The following C1orf21 variants were observed in gnomAD, a reference collection of about 807,000 sequenced individuals.
The protein encoded by C1orf21 is chromosome 1 open reading frame 21.
C1orf21 carries 3 observed loss-of-function variants against 18.7 expected under a neutral mutation model. The observed-to-expected ratio is 0.16, with a 90% CI of 0.07 to 0.42. The LOEUF is 0.42. Ranked by LOEUF, C1orf21 falls within the 10% of genes least tolerant of loss-of-function variation. The pLI, the probability that C1orf21 is intolerant of heterozygous loss-of-function variation, is 0.99. For missense variants in C1orf21, 104 were observed against 143.6 expected (o/e 0.72, Z 1.41); for synonymous variants, 41 against 46.4 (o/e 0.88, Z 0.47).
chr1:184,616,679 CGT>C (rs1217972700), intron 5 of C1orf21, among the ~76,000 whole-genome samples: 4 of 151,788 alleles, frequency 2.6e-5, no homozygotes, highest in Admixed American at 6.6e-5. Flanking sequence ...CATGTGTGCA[CGT>C]GTGTGTGCTT....
chr1:184,391,735 CAG>C (rs1425871323), intron 1 of C1orf21, among the ~76,000 whole-genome samples: 3 of 150,658 alleles, frequency 2.0e-5, no homozygotes, highest in Non-Finnish European at 4.4e-5. Context: ...TTTTTCGAGA[CAG>C]AGTCTTGCTC....
At chr1:184,405,828 C>A (rs1442766431) in intron 1 of C1orf21, among the ~76,000 whole-genome samples, 1 of 152,038 alleles carries the variant, frequency 6.6e-6, no homozygotes, top group Non-Finnish European at 1.5e-5. Flanking sequence ...TTGCTTTTTC[C>A]AGGGACTGAA....
chr1:184,484,192 G>T (rs554245790), intron 2 of C1orf21, among the ~76,000 whole-genome samples: 1 of 152,218 alleles, frequency 6.6e-6, no homozygotes, highest in East Asian at 1.9e-4. Context: ...GCCTCCCAAA[G>T]TGCTAAGATT....
At chr1:184,567,651 C>A in intron 3 of C1orf21, 1 of 402,470 alleles carries the variant, frequency 2.5e-6, no homozygotes, top group Non-Finnish European at 5.0e-6. Flanking sequence ...CCTACAATGG[C>A]ATCACCAGCT....
chr1:184,582,304 A>ATG, intron 3 of C1orf21, among the ~76,000 whole-genome samples: 1 of 152,380 alleles, frequency 6.6e-6, no homozygotes, highest in South Asian at 2.1e-4. Context: ...AATTTTTAAA[A>ATG]TGTGTGTGTA....
chr1:184,456,418 A>G (rs1657198875), intron 1 of C1orf21, among the ~76,000 whole-genome samples: 1 of 152,236 alleles, frequency 6.6e-6, no homozygotes. Context: ...TCTTCCTTAA[A>G]TTTAACTTCC....
intron 1 of C1orf21, among the ~76,000 whole-genome samples, chr1:184,441,387 T>C (rs1406773799): frequency 1.3e-5 from 2 of 152,228 alleles, no homozygotes; most frequent in African/African-American, 4.8e-5. Context: ...TGTCCAGAAA[T>C]CGGGTATCAG....
chr1:184,412,639 C>G (rs552910986), intron 1 of C1orf21, among the ~76,000 whole-genome samples: 1 of 143,028 alleles, frequency 7.0e-6, no homozygotes, highest in Non-Finnish European at 1.5e-5. Context: ...GAGACCCCAT[C>G]TCTGCAAAAA....
chr1:184,605,879 A>G (rs1659641019), intron 5 of C1orf21, among the ~76,000 whole-genome samples: 1 of 152,200 alleles, frequency 6.6e-6, no homozygotes, highest in South Asian at 2.1e-4. Flanking sequence ...TTGTACCATC[A>G]AGGCCATTTA....
intron 1 of C1orf21, among the ~76,000 whole-genome samples, chr1:184,435,718 A>C (rs1008998526): frequency 7.2e-5 from 11 of 152,196 alleles, no homozygotes; most frequent in African/African-American, 2.4e-4. Context: ...AGTCCAGTAG[A>C]AGAGAAGGAC....
intron 2 of C1orf21, among the ~76,000 whole-genome samples, chr1:184,492,188 A>G (rs1016044968): frequency 6.6e-6 from 1 of 152,262 alleles, no homozygotes; most frequent in Non-Finnish European, 1.5e-5. Context: ...CCCAGTTTAT[A>G]GAGAAGCCAT....
chr1:184,510,238 C>CT (rs1658124336), intron 3 of C1orf21, among the ~76,000 whole-genome samples: 1 of 152,326 alleles, frequency 6.6e-6, no homozygotes, highest in Admixed American at 6.5e-5. Context: ...CTTGAAGTCA[C>CT]AGTCCTCAAG....
intron 1 of C1orf21, among the ~76,000 whole-genome samples, chr1:184,397,782 C>T (rs1448814533): frequency 6.6e-6 from 1 of 152,028 alleles, no homozygotes; most frequent in Non-Finnish European, 1.5e-5. Context: ...GTTGAAAGTG[C>T]CAGTGTTTAA....
intron 3 of C1orf21, among the ~76,000 whole-genome samples, chr1:184,532,300 T>C (rs911087595): frequency 3.3e-5 from 5 of 152,168 alleles, no homozygotes; most frequent in Non-Finnish European, 5.9e-5. Flanking sequence ...CTTACAAGAT[T>C]GTTGTAAAGA....
intron 1 of C1orf21, among the ~76,000 whole-genome samples, chr1:184,424,463 T>C (rs1488501847): frequency 6.6e-6 from 1 of 152,208 alleles, no homozygotes; most frequent in East Asian, 1.9e-4. Flanking sequence ...TTTCAAACTG[T>C]CTGTCCTGAT....
intron 1 of C1orf21, among the ~76,000 whole-genome samples, chr1:184,466,068 G>A (rs915152909): frequency 1.3e-5 from 2 of 152,130 alleles, no homozygotes; most frequent in Non-Finnish European, 2.9e-5. Flanking sequence ...TTCACTAATA[G>A]CGCTACTTCA....
chr1:184,512,645 A>G (rs1467084081), intron 3 of C1orf21, among the ~76,000 whole-genome samples: 1 of 152,228 alleles, frequency 6.6e-6, no homozygotes, highest in African/African-American at 2.4e-5. Context: ...GAGAGTATAC[A>G]TAGGTAAGTA....
intron 5 of C1orf21, among the ~76,000 whole-genome samples, chr1:184,615,217 A>G (rs1250820858): frequency 2.0e-5 from 3 of 152,196 alleles, no homozygotes; most frequent in Admixed American, 6.5e-5. Flanking sequence ...TTCCAGGAGG[A>G]TAATAATACA....
intron 3 of C1orf21, among the ~76,000 whole-genome samples, chr1:184,545,077 C>G (rs533427273): frequency 2.0e-4 from 30 of 152,250 alleles, no homozygotes; most frequent in African/African-American, 7.2e-4. Context: ...TCACATAGAC[C>G]AACCCTGGTA....
Sources: allele counts gnomAD v4.1 joint callset (sites outside exome capture counted in the v4.1 genomes callset), GRCh38; gene constraint gnomAD v4.1.1; transcripts MANE v1.5; gene names NCBI Gene and HGNC (gene_info 2026-07-23, HGNC 2026-07-21).